Variants in PRRG1 observed in about 807,000 individuals in gnomAD.
PRRG1 encodes the protein transmembrane gamma-carboxyglutamic acid protein 1.
A neutral mutation model predicts 11.8 loss-of-function variants in PRRG1; 5 were observed. The ratio of observed to expected loss-of-function variants is 0.42; its 90% CI spans 0.22 to 0.89. PRRG1 has a LOEUF of 0.89. PRRG1 is among the 40% of genes least tolerant of loss of function. The pLI is 0.28. For missense variants in PRRG1, 155 were observed against 166.1 expected, an observed-to-expected ratio of 0.93 and a Z score of 0.37; for synonymous variants, 66 against 60.4, an observed-to-expected ratio of 1.09 and a Z score of -0.43.
intron 1 of PRRG1, among the ~76,000 whole-genome samples, chrX:37,355,176 C>T (rs1388427161): frequency 9.0e-6 from 1 of 111,396 alleles, no homozygotes; most frequent in East Asian, 2.8e-4. Flanking sequence ...ACCTCAGCCT[C>T]CCAAAGTGGT....
At chrX:37,452,698 G>C (rs1921188670) in intron 3 of PRRG1, among the ~76,000 whole-genome samples, 1 of 111,953 alleles carries the variant, frequency 8.9e-6, no homozygotes, top group African/African-American at 3.2e-5. Context: ...AGTACTGAAA[G>C]ACTACAACTG....
chrX:37,394,576 A>G (rs1297092987), intron 1 of PRRG1, among the ~76,000 whole-genome samples: 2 of 112,066 alleles, frequency 1.8e-5, no homozygotes, highest in Non-Finnish European at 3.8e-5. Flanking sequence ...TAAAGTCAAC[A>G]TAGAAGTCCT....
At chrX:37,431,146 T>A (rs1467916742) in intron 3 of PRRG1, among the ~76,000 whole-genome samples, 1 of 112,354 alleles carries the variant, frequency 8.9e-6, no homozygotes, top group Non-Finnish European at 1.9e-5. Flanking sequence ...TTGAACCATT[T>A]GCTTATTGAG....
intron 1 of PRRG1, among the ~76,000 whole-genome samples, chrX:37,367,692 G>T (rs1461764247): frequency 1.8e-5 from 2 of 111,989 alleles, no homozygotes; most frequent in Non-Finnish European, 3.8e-5. Flanking sequence ...TCTAAGTCTT[G>T]GTTATTGTGG....
intron 1 of PRRG1, among the ~76,000 whole-genome samples, chrX:37,399,131 T>C (rs1230868237): frequency 1.9e-4 from 21 of 110,823 alleles, no homozygotes; most frequent in African/African-American, 6.6e-4. Context: ...ATACAGAGAA[T>C]GCCACAAAGA....
intron 1 of PRRG1, among the ~76,000 whole-genome samples, chrX:37,367,161 C>A (rs1226595805): frequency 9.0e-6 from 1 of 111,659 alleles, no homozygotes; most frequent in African/African-American, 3.3e-5. Context: ...AAATAGAAGG[C>A]AACATGGAGA....
At chrX:37,370,520 T>C (rs1930731144) in intron 1 of PRRG1, among the ~76,000 whole-genome samples, 1 of 111,435 alleles carries the variant, frequency 9.0e-6, no homozygotes, top group African/African-American at 3.3e-5. Context: ...ACCCAAGTCA[T>C]GGCTGTGGAC....
chrX:37,407,354 C>G (rs1932214618), intron 2 of PRRG1, among the ~76,000 whole-genome samples: 1 of 112,345 alleles, frequency 8.9e-6, no homozygotes, highest in Non-Finnish European at 1.9e-5. Context: ...ACCACAGTCA[C>G]ATGTCTCCCA....
chrX:37,403,620 A>G (rs1556381144), intron 1 of PRRG1: 3 of 364,843 alleles, frequency 8.2e-6, no homozygotes, highest in Non-Finnish European at 1.0e-5. Context: ...CCTAAAACTT[A>G]AAGTATAATA....
At chrX:37,389,783 A>G (rs1306473894) in intron 1 of PRRG1, among the ~76,000 whole-genome samples, 4 of 111,711 alleles carry the variant, frequency 3.6e-5, no homozygotes, top group Non-Finnish European at 7.5e-5. Flanking sequence ...ATCACATATT[A>G]TCAATTTAAA....
At chrX:37,411,577 T>C (rs1445203677) in intron 2 of PRRG1, among the ~76,000 whole-genome samples, 1 of 112,109 alleles carries the variant, frequency 8.9e-6, no homozygotes, top group Non-Finnish European at 1.9e-5. Flanking sequence ...TTTAAAAATA[T>C]AGCTACTTTC....
intron 2 of PRRG1, among the ~76,000 whole-genome samples, chrX:37,425,576 A>C (rs1354426970): frequency 8.9e-6 from 1 of 112,081 alleles, no homozygotes; most frequent in Non-Finnish European, 1.9e-5. Context: ...TTAAACACCC[A>C]TGGTTTGCAG....
At chrX:37,383,233 T>C (rs1156677958) in intron 1 of PRRG1, among the ~76,000 whole-genome samples, 8 of 112,250 alleles carry the variant, frequency 7.1e-5, no homozygotes, top group African/African-American at 1.9e-4. Flanking sequence ...GTAATTCTTA[T>C]TGTTATGTAG....
intron 1 of PRRG1, among the ~76,000 whole-genome samples, chrX:37,383,128 G>C (rs1015441584): frequency 8.9e-6 from 1 of 111,974 alleles, no homozygotes; most frequent in Non-Finnish European, 1.9e-5. Context: ...TACTTCTGCA[G>C]GAAAAGATAC....
intron 1 of PRRG1, chrX:37,386,497 T>A (rs1467234465): frequency 2.7e-5 from 3 of 112,546 alleles, no homozygotes; most frequent in African/African-American, 9.7e-5. Context: ...CTCATACTTT[T>A]TAATGGCTGA....
chrX:37,444,952 TC>T (rs1235875650), intron 3 of PRRG1, among the ~76,000 whole-genome samples: 4 of 111,363 alleles, frequency 3.6e-5, no homozygotes, highest in Non-Finnish European at 7.5e-5. Context: ...TGCCTGAGCC[TC>T]CTATTTCCAC....
In PRRG1 at chrX:37,353,833, C is replaced by T. The variant is rs556670992; in HGVS notation, c.-42+4438C>T. 8.0e-5 allele frequency among the ~76,000 whole-genome samples: 9 copies of T among 112,419 alleles called. 1 individual carries two copies. The South Asian group carries it at 3.3e-3, about 41-fold the overall frequency. The stretch of plus-strand genomic sequence containing the variant: ...ACATTCTATGATGTTGACACAACAA[C>T]GAAATCGCCTAAAGGCATTTCTCAG... On this transcript the variant is annotated intron_variant, in intron 1 of 3. Coordinates refer to ENST00000378628, the MANE Select transcript of PRRG1 (RefSeq NM_001142395.2).
chrX:37,371,377 C>T (rs782224033), intron 1 of PRRG1, among the ~76,000 whole-genome samples: 2 of 112,024 alleles, frequency 1.8e-5, no homozygotes, highest in African/African-American at 6.5e-5. Flanking sequence ...CCTTGCTCGC[C>T]CTCCATTTGT....
chrX:37,448,243 T>C (rs953969144), intron 3 of PRRG1, among the ~76,000 whole-genome samples: 3 of 112,457 alleles, frequency 2.7e-5, no homozygotes, highest in South Asian at 3.7e-4. Flanking sequence ...AGAGCCCCAG[T>C]TGCAAAATCT....
Sources: gnomAD v4.1 joint callset for allele counts (sites outside exome capture counted in the v4.1 genomes callset) on GRCh38, gnomAD v4.1.1 for gene constraint, MANE v1.5 for transcripts, NCBI Gene and HGNC (gene_info 2026-07-23, HGNC 2026-07-21) for gene names.